SOX5: variants seen among roughly 807,000 people sequenced by gnomAD.
SOX5 encodes SRY-box transcription factor 5.
In SOX5, 9 loss-of-function variants were observed where a neutral mutation model predicts 92.0. The ratio of observed to expected loss-of-function variants is 0.10; its 90% CI spans 0.06 to 0.17. The LOEUF is 0.17. Among genes scored for constraint, SOX5 ranks in the 10% least tolerant of loss-of-function variants. SOX5 has a pLI of 1.00. For missense variants in SOX5, 642 were observed against 944.5 expected, an observed-to-expected ratio of 0.68 and a Z score of 4.20; for synonymous variants, 344 against 336.3, an observed-to-expected ratio of 1.02 and a Z score of -0.25.
At chr12:24,147,778 GAAATT>G (rs1223487383) in intron 4 of SOX5, among the ~76,000 whole-genome samples, 2 of 151,998 alleles carry the variant, frequency 1.3e-5, no homozygotes, top group African/African-American at 4.8e-5. Flanking sequence ...GGAAAATTCA[GAAATT>G]AAAATTTAAA....
intron 2 of SOX5, among the ~76,000 whole-genome samples, chr12:23,885,792 T>C (rs1201031368): frequency 1.3e-5 from 2 of 152,052 alleles, no homozygotes; most frequent in Non-Finnish European, 2.9e-5. Context: ...TATTTCCCAT[T>C]TCAAACACCA....
chr12:23,824,331 G>T lies in SOX5; in HGVS notation c.481+21652C>A, dbSNP rs530104972. 5.5e-4 allele frequency among the ~76,000 whole-genome samples: 83 copies of T among 152,288 alleles called. 2 individuals are homozygous for T. The highest frequency in any genetic ancestry group is 3.9e-3 in the Admixed American group (59 of 15,296). On this transcript the variant is annotated intron_variant, in intron 3 of 14. Coordinates refer to ENST00000451604, the MANE Select transcript of SOX5 (RefSeq NM_006940.6). ...GGTTGTCCTTTTTGTTGATGTTGAT[G>T]CTATTGCTTTCTGTTTGTTAGTTTT...
intron 4 of SOX5, among the ~76,000 whole-genome samples, chr12:24,118,018 CAAAAAAAAAAA>C (rs964710930): frequency 2.4e-5 from 1 of 41,822 alleles, no homozygotes; most frequent in African/African-American, 8.0e-5. Context: ...GACTCTCATT[CAAAAAAAAAAA>C]AAAAAAAAAG....
rs1292924466 is a variant in SOX5, at chr12:24,077,080, T to A, written c.-2+136263A>T. ...TTAGCCAATGGGATGGAAAAATACA[T>A]TCTAAATAATTCACTTTTGCAGATT... On this transcript the variant is annotated intron_variant, in intron 4 of 4. Transcript: ENST00000446891. 2.6e-5 allele frequency among the ~76,000 whole-genome samples: 4 copies of A among 152,136 alleles called. No individual in the cohort carries two copies. The East Asian group carries it at 7.7e-4, about 29-fold the overall frequency.
intron 1 of SOX5, among the ~76,000 whole-genome samples, chr12:24,447,706 C>G (rs1941692346): frequency 6.6e-6 from 1 of 152,108 alleles, no homozygotes; most frequent in Non-Finnish European, 1.5e-5. Flanking sequence ...TTCTATAAAA[C>G]TATTGTAAAA....
chr12:24,423,925 A>T (rs1396206), intron 1 of SOX5, among the ~76,000 whole-genome samples: 90,750 of 152,026 alleles, frequency 0.6, 27,751 homozygotes, highest in East Asian at 0.98. Context: ...GCATGGAACG[A>T]GGAGATAAGG....
intron 1 of SOX5, among the ~76,000 whole-genome samples, chr12:24,446,832 G>A (rs1941550793): frequency 1.3e-5 from 2 of 152,156 alleles, no homozygotes; most frequent in Admixed American, 1.3e-4. Flanking sequence ...ATTCATGAGT[G>A]AGCAGCAGCA....
chr12:23,993,929 ATG>A (rs762786182), intron 4 of SOX5, among the ~76,000 whole-genome samples: 1 of 151,952 alleles, frequency 6.6e-6, no homozygotes, highest in African/African-American at 2.4e-5. Context: ...GTATGCATGT[ATG>A]TGTGTATGTT....
At chr12:23,685,253 C>T (rs2087317785) in intron 6 of SOX5, among the ~76,000 whole-genome samples, 1 of 151,908 alleles carries the variant, frequency 6.6e-6, no homozygotes, top group Non-Finnish European at 1.5e-5. Context: ...TTCTATTCTC[C>T]TGCTTTAACT....
At chr12:24,206,664 A>G (rs1278259461) in intron 4 of SOX5, among the ~76,000 whole-genome samples, 1 of 151,906 alleles carries the variant, frequency 6.6e-6, no homozygotes, top group Non-Finnish European at 1.5e-5. Flanking sequence ...GCTTCTGTTC[A>G]ATACTGGTTT....
chr12:23,953,315 C>T (rs886445503), upstream of SOX5, among the ~76,000 whole-genome samples: 3 of 151,894 alleles, frequency 2.0e-5, no homozygotes, highest in South Asian at 2.1e-4. Flanking sequence ...TTGCATTAAA[C>T]GTTAAAATGT....
chr12:23,681,592 G>C (rs1038194076), intron 6 of SOX5, among the ~76,000 whole-genome samples: 3 of 151,670 alleles, frequency 2.0e-5, no homozygotes. Context: ...CAAGTCTAAA[G>C]TATGTATATT....
intron 1 of SOX5, among the ~76,000 whole-genome samples, chr12:24,371,858 C>T (rs1038603079): frequency 1.3e-5 from 2 of 152,158 alleles, no homozygotes; most frequent in Non-Finnish European, 2.9e-5. Context: ...CATGGTGGCA[C>T]ACACCTATAG....
chr12:23,610,872 A>G (rs2137733036), intron 8 of SOX5, among the ~76,000 whole-genome samples: 1 of 152,318 alleles, frequency 6.6e-6, no homozygotes, highest in East Asian at 1.9e-4. Flanking sequence ...GAAAAAAGTT[A>G]AAAGTATCTT....
chr12:23,601,759 AT>A (rs2074522172), intron 9 of SOX5, among the ~76,000 whole-genome samples: 1 of 152,038 alleles, frequency 6.6e-6, no homozygotes, highest in South Asian at 2.1e-4. Context: ...TATAGGTTGT[AT>A]TTTTTTGGCC....
At chr12:24,095,718 T>C (rs910327554) in intron 4 of SOX5, among the ~76,000 whole-genome samples, 22 of 152,124 alleles carry the variant, frequency 1.4e-4, no homozygotes, top group African/African-American at 4.8e-4. Context: ...GTGGAGGTAA[T>C]TGAATCATGG....
In SOX5 at chr12:24,426,946, C is replaced by T. The variant is rs189359549; in HGVS notation, c.-250-58307G>A. Among the ~76,000 whole-genome samples the T allele has an allele frequency of 7.9e-5, 12 of 152,240 alleles. No homozygotes were observed. The East Asian group carries it at 2.3e-3, about 29-fold the overall frequency. ...CTCTTCAATGAAGTCTGCCCTACTA[C>T]CCAAGCACCTTCCAGTAGAGTGAAT... On this transcript the variant is annotated intron_variant, in intron 1 of 4. Transcript: ENST00000446891.
chr12:23,962,672 T>C (rs770246655), intron 4 of SOX5, among the ~76,000 whole-genome samples: 8 of 152,310 alleles, frequency 5.3e-5, no homozygotes, highest in Middle Eastern at 6.8e-3. Flanking sequence ...CAGATGCTAT[T>C]TTTGCAATTA....
At chr12:23,898,493 T>C (rs2097199675) in intron 1 of SOX5, among the ~76,000 whole-genome samples, 1 of 152,160 alleles carries the variant, frequency 6.6e-6, no homozygotes, top group Non-Finnish European at 1.5e-5. Flanking sequence ...ACCATGACCT[T>C]TCTGTTGATT....
Sources: gnomAD v4.1 joint callset for allele counts (sites outside exome capture counted in the v4.1 genomes callset) on GRCh38, gnomAD v4.1.1 for gene constraint, MANE v1.5 for transcripts, NCBI Gene and HGNC (gene_info 2026-07-23, HGNC 2026-07-21) for gene names.